The following EGLN1 variants were observed in gnomAD, a reference collection of about 807,000 sequenced individuals.
The protein encoded by EGLN1 is egl nine homolog 1.
In EGLN1, 17 loss-of-function variants were observed where a neutral mutation model predicts 38.3. The ratio of observed to expected loss-of-function variants is 0.44; its 90% CI spans 0.30 to 0.67. The LOEUF (loss-of-function observed/expected upper bound fraction) is 0.67, where lower values mean the gene tolerates loss of function less well. EGLN1 is among the 30% of genes least tolerant of loss of function. The pLI, the probability that EGLN1 is intolerant of heterozygous loss-of-function variation, is 0.08. For synonymous variants in EGLN1, 283 were observed against 257.5 expected, an observed-to-expected ratio of 1.10 and a Z score of -0.95; for missense variants, 477 against 603.3, an observed-to-expected ratio of 0.79 and a Z score of 2.19.
intron 1 of EGLN1, among the ~76,000 whole-genome samples, chr1:231,401,169 C>T: frequency 6.6e-6 from 1 of 152,170 alleles, no homozygotes; most frequent in Admixed American, 6.5e-5. Flanking sequence ...CTTCACATGT[C>T]TTAGCTAGGA....
intron 2 of EGLN1, among the ~76,000 whole-genome samples, chr1:231,371,574 T>G (rs1165883386): frequency 6.6e-6 from 1 of 152,166 alleles, no homozygotes; most frequent in Non-Finnish European, 1.5e-5. Context: ...CTGGGCCTGA[T>G]GCACAGATGA....
chr1:231,420,914 T>C, intron 1 of EGLN1, 84 bp downstream of exon 1: 1 of 1,611,676 alleles, frequency 6.2e-7, no homozygotes, highest in South Asian at 1.1e-5. Context: ...GAATGCTGCT[T>C]CTCAGCCTAG....
chr1:231,389,726 G>T (rs1688318772), intron 1 of EGLN1, among the ~76,000 whole-genome samples: 1 of 152,074 alleles, frequency 6.6e-6, no homozygotes, highest in African/African-American at 2.4e-5. Flanking sequence ...AGGCAGGCGG[G>T]TCACGAGGTC....
chr1:231,383,698 C>A (rs1688128120), intron 1 of EGLN1, among the ~76,000 whole-genome samples: 1 of 152,144 alleles, frequency 6.6e-6, no homozygotes, highest in Admixed American at 6.5e-5. Flanking sequence ...AGGGGCAGCT[C>A]AAAAAGGCTC....
Position 231,421,281 on chromosome 1 carries a change from T to C in EGLN1, c.608A>G (p.Asn203Ser). ...LALEYIVPCMNKHGICVVDDF... is the reference protein window; with the variant it reads ...LALEYIVPCMSKHGICVVDDF... Reference sequence around the variant, plus strand: ...GTCCACCACACAGATGCCGTGCTTGTTCATGCACGGCACGATGTACTCGAG... The same window carrying C: ...GTCCACCACACAGATGCCGTGCTTGCTCATGCACGGCACGATGTACTCGAG... Residue 203 changes from asparagine (N) to serine (S), a missense_variant, in exon 1 of 5, where the codon AAC becomes AGC. Around this residue, in one of 4 missense-constraint regions of EGLN1, gnomAD observed 119 missense variants for 179.0 expected, o/e 0.66. Coordinates refer to ENST00000366641, the MANE Select transcript of EGLN1 (RefSeq NM_022051.3). This position sits in a 1 kb window ranked among gnomAD's most constrained non-coding sequence, Gnocchi z 5.5. 6.2e-7 allele frequency: 1 copy of C among 1,613,372 alleles called. No individual in the cohort carries two copies. The highest frequency in any genetic ancestry group is 8.5e-7 in the Non-Finnish European group (1 of 1,179,944).
In EGLN1 at chr1:231,381,966, A is replaced by T. The variant is rs548514758; in HGVS notation, c.892-7867T>A. Among the ~76,000 whole-genome samples, 9 of 152,318 alleles carry T rather than the reference A, an allele frequency of 5.9e-5. No individual in the cohort carries two copies. In the South Asian group the frequency reaches 1.4e-3, roughly 25 times the overall value. ...TTGATCCCCACCCAGGGAATTATAC[A>T]ACCTCATTCTAGCCCATGCAAGGAA... On this transcript the variant is annotated intron_variant, in intron 1 of 4. Coordinates refer to ENST00000366641, the MANE Select transcript of EGLN1 (RefSeq NM_022051.3).
rs753663555 is a variant in EGLN1 at position 231,421,379 on chromosome 1, C to T, written c.510G>A (p.Gly170=). The change falls in exon 1 of 5, where the codon GGG becomes GGA. Residue 170 remains glycine, a synonymous_variant. Coordinates refer to ENST00000366641, the MANE Select transcript of EGLN1 (RefSeq NM_022051.3). The surrounding 1 kb of genome is among the most constrained non-coding windows in gnomAD (Gnocchi z 5.5). ...GGCCGCCGCCGGGGCTCAGCGCATC[C>T]CCGGGCGTGTTGCTTGGGGGGTACA... ...ANLYPPSNTP[G]DALSPGGGLR... The T allele has an allele frequency of 8.7e-6, 14 of 1,607,750 alleles. No individual in the cohort carries two copies. The highest frequency in any genetic ancestry group is 5.4e-5 in the African/African-American group (4 of 74,730).
intron 2 of EGLN1, among the ~76,000 whole-genome samples, chr1:231,372,091 A>T (rs1687838621): frequency 6.6e-6 from 1 of 152,170 alleles, no homozygotes; most frequent in Non-Finnish European, 1.5e-5. Context: ...GGAGTACCAC[A>T]GGTGACCTGC....
chr1:231,419,410 T>A (rs1181022240), intron 1 of EGLN1, among the ~76,000 whole-genome samples: 1 of 152,208 alleles, frequency 6.6e-6, no homozygotes, highest in Non-Finnish European at 1.5e-5. Context: ...CAAGAAAGAT[T>A]TGGGACATCA....
intron 1 of EGLN1, among the ~76,000 whole-genome samples, chr1:231,405,789 G>A (rs1405386114): frequency 6.6e-6 from 1 of 151,994 alleles, no homozygotes; most frequent in Non-Finnish European, 1.5e-5. Flanking sequence ...AAAGCTTACA[G>A]CTACTATGCA....
intron 1 of EGLN1, among the ~76,000 whole-genome samples, chr1:231,392,568 T>C (rs368423528): frequency 6.6e-4 from 100 of 152,258 alleles, no homozygotes; most frequent in African/African-American, 2.3e-3. Context: ...GGGTGAGGTA[T>C]GGAGCTGTCC....
chr1:231,372,768 G>C (rs1257163714), intron 2 of EGLN1, among the ~76,000 whole-genome samples: 1 of 152,216 alleles, frequency 6.6e-6, no homozygotes, highest in Non-Finnish European at 1.5e-5. Context: ...AGAAAGATTA[G>C]TGAAGCACTG....
intron 1 of EGLN1, among the ~76,000 whole-genome samples, chr1:231,376,719 C>G (rs1687967119): frequency 6.6e-6 from 1 of 152,014 alleles, no homozygotes; most frequent in African/African-American, 2.4e-5. Flanking sequence ...GTTGTATTTT[C>G]TTAAGATATG....
intron 1 of EGLN1, among the ~76,000 whole-genome samples, chr1:231,382,710 A>C (rs2102906063): frequency 6.6e-6 from 1 of 152,290 alleles, no homozygotes; most frequent in East Asian, 1.9e-4. Flanking sequence ...AATTAGGTTC[A>C]GCTGAATCCT....
At position 231,422,230 on chromosome 1, in the gene EGLN1, G is replaced by A. The variant is rs1410954853; in HGVS notation, c.-342C>T. The A allele has an allele frequency of 1.7e-5, 3 of 179,810 alleles. No individual in the cohort carries two copies. Among genetic ancestry groups the A allele is most frequent in the South Asian group, 1.6e-4 (1 of 6,332 alleles). 11.1% of individuals were successfully genotyped at this position (179,810 alleles called of 1,614,324 possible). On this transcript the variant is annotated 5_prime_UTR_variant, in exon 1 of 5. Coordinates refer to ENST00000366641, the MANE Select transcript of EGLN1 (RefSeq NM_022051.3). Reference sequence around the variant, plus strand: ...GCCGCCGCCGCCGCCTCAGCGTCCCGGGCGGCCCGGCCCAGGCTGTGGAGG... The same window carrying A: ...GCCGCCGCCGCCGCCTCAGCGTCCCAGGCGGCCCGGCCCAGGCTGTGGAGG...
At chr1:231,369,029 G>A (rs1687743282) in intron 3 of EGLN1, among the ~76,000 whole-genome samples, 1 of 151,982 alleles carries the variant, frequency 6.6e-6, no homozygotes, top group Non-Finnish European at 1.5e-5. Context: ...TCTAATATCT[G>A]GATCAACAAC....
intron 1 of EGLN1, among the ~76,000 whole-genome samples, chr1:231,414,924 T>C: frequency 6.6e-6 from 1 of 151,948 alleles, no homozygotes; most frequent in East Asian, 1.9e-4. Context: ...TTTTTAGAGA[T>C]GGGTTTCACC....
At chr1:231,420,814 G>A (rs918418442) in intron 1 of EGLN1, among the ~76,000 whole-genome samples, 184 bp downstream of exon 1, 45 of 152,132 alleles carry the variant, frequency 3.0e-4, no homozygotes, top group Non-Finnish European at 5.6e-4. Flanking sequence ...TGGATACAAA[G>A]GGGCTAACTA....
intron 1 of EGLN1, among the ~76,000 whole-genome samples, chr1:231,382,387 C>A (rs1304117334): frequency 6.8e-6 from 1 of 147,784 alleles, no homozygotes; most frequent in African/African-American, 2.7e-5. Context: ...TATAAATAAT[C>A]ATCAGTAAAT....
Sources: allele counts gnomAD v4.1 joint callset (sites outside exome capture counted in the v4.1 genomes callset), GRCh38; gene constraint gnomAD v4.1.1; regional missense constraint gnomAD v4.1.1; non-coding constraint Gnocchi (gnomAD v3.1); transcripts MANE v1.5; gene names NCBI Gene and HGNC (gene_info 2026-07-23, HGNC 2026-07-21).